The following PDE3B variants were observed in gnomAD, a reference collection of about 807,000 sequenced individuals.
The protein encoded by PDE3B is cGMP-inhibited 3',5'-cyclic phosphodiesterase 3B.
In PDE3B, 66 loss-of-function variants were observed where a neutral mutation model predicts 116.8. That is an observed-to-expected ratio of 0.56 (90% CI 0.46 to 0.69). The LOEUF (loss-of-function observed/expected upper bound fraction) is 0.69, where lower values mean the gene tolerates loss of function less well. PDE3B is among the 30% of genes least tolerant of loss of function. The pLI is 0.00. For synonymous variants in PDE3B, 595 were observed against 533.6 expected, an observed-to-expected ratio of 1.12 and a Z score of -1.59; for missense variants, 1,384 against 1,368.1, an observed-to-expected ratio of 1.01 and a Z score of -0.18.
rs1848140543 is a variant in PDE3B at position 14,871,494 on chromosome 11, A to T, written c.*1834A>T. ...GAATACATACAAGTGTATGTGTATA[A>T]AGTCATACATGTACAAGCATGCATA... On this transcript the variant is annotated 3_prime_UTR_variant, in exon 16 of 16. Transcript: ENST00000282096. The T allele has an allele frequency of 6.6e-6, 1 of 152,158 alleles. No homozygotes were observed. Among genetic ancestry groups the T allele is most frequent in the African/African-American group, 2.4e-5 (1 of 41,454 alleles). 9.4% of individuals were successfully genotyped at this position (152,158 alleles called of 1,614,324 possible).
chr11:14,674,441 G>A (rs1854470544), intron 1 of PDE3B: 1 of 623,856 alleles, frequency 1.6e-6, no homozygotes, highest in South Asian at 1.4e-5. Context: ...TATTTCACTT[G>A]TTTGTCCTTA....
Position 14,644,284 on chromosome 11 carries a change from G to C in PDE3B, c.209G>C (p.Arg70Pro). Reference protein sequence around the residue: ...RPPPASPQQPRRCSPFCRARL... With the variant: ...RPPPASPQQPPRCSPFCRARL... ...CCGCCGGCCTCTCCCCAGCAGCCGC[G>C]GCGCTGCTCCCCCTTCTGCCGGGCG... Residue 70 changes from arginine (R) to proline (P), a missense_variant, in exon 1 of 16, where the codon CGG becomes CCG. Arg to Pro is a moderately radical substitution (Grantham distance 103). Transcript: ENST00000282096. 1 of 1,564,944 alleles carries C rather than the reference G, an allele frequency of 6.4e-7. No individual in the cohort carries two copies. The highest frequency in any genetic ancestry group is 8.6e-7 in the Non-Finnish European group (1 of 1,162,130).
intron 4 of PDE3B, among the ~76,000 whole-genome samples, chr11:14,792,173 C>A (rs1276498292): frequency 2.0e-5 from 3 of 151,928 alleles, no homozygotes; most frequent in African/African-American, 7.3e-5. Context: ...GAGCTGCAGC[C>A]CTTACTTGGA....
chr11:14,698,782 T>C (rs549336853), intron 1 of PDE3B: 178 of 152,140 alleles, frequency 1.2e-3, no homozygotes, highest in African/African-American at 4.0e-3. Context: ...GGTTGTCTTC[T>C]TTTGCAGCTG....
At position 14,818,218 on chromosome 11, in the gene PDE3B, A is replaced by G. The variant is rs762590358; in HGVS notation, c.1558A>G (p.Asn520Asp). 1 of 1,613,608 alleles carries G rather than the reference A, an allele frequency of 6.2e-7. No individual in the cohort carries two copies. Among genetic ancestry groups the G allele is most frequent in the Admixed American group, 1.7e-5 (1 of 59,982 alleles). The change falls in exon 6 of 16, where the codon AAC (asparagine) becomes GAC (aspartate). Residue 520 changes from asparagine (N) to aspartate (D), a missense_variant. This residue lies in a region of PDE3B where 956 missense variants were observed against 806.8 expected (regional missense o/e 1.18). Coordinates refer to ENST00000282096, the MANE Select transcript of PDE3B (RefSeq NM_000922.4). ...CAGTCTGAGTCCTGTGAATTCTTCC[A>G]ACCATGGACCAGTGTCTACTGGCTC... Reference protein sequence around the residue: ...LSSLSPVNSSNHGPVSTGSLT... With the variant: ...LSSLSPVNSSDHGPVSTGSLT...
chr11:14,658,089 G>C (rs1853769891), intron 1 of PDE3B, among the ~76,000 whole-genome samples: 1 of 151,952 alleles, frequency 6.6e-6, no homozygotes, highest in Admixed American at 6.6e-5. Flanking sequence ...CCATCTAGTG[G>C]GTAGGCTTCC....
chr11:14,705,835 G>A (rs1240532795), intron 1 of PDE3B, among the ~76,000 whole-genome samples: 1 of 151,708 alleles, frequency 6.6e-6, no homozygotes, highest in African/African-American at 2.4e-5. Context: ...TATTGATATA[G>A]CATGATGTTA....
intron 2 of PDE3B, among the ~76,000 whole-genome samples, chr11:14,783,692 C>T (rs1037883698): frequency 3.3e-5 from 5 of 151,766 alleles, no homozygotes; most frequent in African/African-American, 1.2e-4. Flanking sequence ...AGCACACCAG[C>T]ATGGCACATG....
At chr11:14,891,832 G>A in the PDE3B span, 4 of 1,418,412 alleles carry the variant, frequency 2.8e-6, no homozygotes, top group Non-Finnish European at 3.7e-6. Flanking sequence ...TTCCAGACCC[G>A]GGAAGCGGGT....
chr11:14,849,775 G>A (rs375000187), intron 12 of PDE3B, among the ~76,000 whole-genome samples: 15 of 152,132 alleles, frequency 9.9e-5, no homozygotes, highest in African/African-American at 3.1e-4. Flanking sequence ...ATGCAAATCA[G>A]AACCACAGTG....
rs201501383 is a variant in PDE3B at position 14,869,668 on chromosome 11, T to C, written c.*8T>C. 1 of 1,611,150 alleles carries C rather than the reference T, an allele frequency of 6.2e-7. No homozygotes were observed. The highest frequency in any genetic ancestry group is 1.1e-5 in the South Asian group (1 of 90,926). ...GCAGATGAAGAGGAATAGCGACAGT[T>C]TGAGTAAAAGAAAAGTCATATTGAA... On this transcript the variant is annotated 3_prime_UTR_variant, in exon 16 of 16. Coordinates refer to ENST00000282096, the MANE Select transcript of PDE3B (RefSeq NM_000922.4).
intron 1 of PDE3B, among the ~76,000 whole-genome samples, chr11:14,736,501 G>A: frequency 6.6e-6 from 1 of 152,132 alleles, no homozygotes; most frequent in Non-Finnish European, 1.5e-5. Context: ...TATAACTAAA[G>A]TTGCCATTAA....
chr11:14,831,979 TA>T (rs1859900377), intron 9 of PDE3B, among the ~76,000 whole-genome samples: 1 of 152,170 alleles, frequency 6.6e-6, no homozygotes, highest in Non-Finnish European at 1.5e-5. Context: ...ACAAGTAGTT[TA>T]TTTGACCATA....
Position 14,831,740 on chromosome 11 carries a change from A to G in PDE3B, c.2057A>G (p.Glu686Gly), listed in dbSNP as rs200966483. Residue 686 changes from glutamate (E) to glycine (G), a missense_variant, in exon 9 of 16, where the codon GAA (glutamate) becomes GGA (glycine). This residue lies in a region of PDE3B where 428 missense variants were observed against 561.4 expected (regional missense o/e 0.76). Transcript: ENST00000282096. ...AATTTTCCAATTTTTGAACTTGTAGAAAAGATGGGAGAGAAATCAGGAAGG... is the reference window on the plus strand; with the variant it reads ...AATTTTCCAATTTTTGAACTTGTAGGAAAGATGGGAGAGAAATCAGGAAGG... ...NWNFPIFELV[E>G]KMGEKSGRIL... 13 of 1,606,380 alleles carry G rather than the reference A, an allele frequency of 8.1e-6. No homozygotes were observed. Among genetic ancestry groups the G allele is most frequent in the Non-Finnish European group, 1.1e-5 (13 of 1,174,872 alleles).
At position 14,789,100 on chromosome 11, in the gene PDE3B, C is replaced by G. The variant is rs1858305383; in HGVS notation, c.1279-6C>G. On this transcript the variant is annotated splice_region_variant and splice_polypyrimidine_tract_variant and intron_variant, in intron 3 of 15. Coordinates refer to ENST00000282096, the MANE Select transcript of PDE3B (RefSeq NM_000922.4). Reference sequence around the variant, plus strand: ...CATTTTAAACCATTGTTAAATTATTCAACAGGGACTAAATAGGAATAGTTT... The same window carrying G: ...CATTTTAAACCATTGTTAAATTATTGAACAGGGACTAAATAGGAATAGTTT... 6.3e-7 allele frequency: 1 copy of G among 1,594,898 alleles called. No homozygotes were observed. Among genetic ancestry groups the G allele is most frequent in the Non-Finnish European group, 8.5e-7 (1 of 1,170,928 alleles).
At chr11:14,781,084 G>A (rs989732975) in intron 2 of PDE3B, among the ~76,000 whole-genome samples, 87 of 152,160 alleles carry the variant, frequency 5.7e-4, no homozygotes, top group Admixed American at 9.2e-4. Context: ...TAAATTCCTC[G>A]ACACATACAC....
the PDE3B span, among the ~76,000 whole-genome samples, chr11:14,894,239 AT>A: frequency 6.6e-6 from 1 of 152,234 alleles, no homozygotes; most frequent in Admixed American, 6.5e-5. Context: ...AAATGAAAAA[AT>A]AATTGTGAGA....
intron 1 of PDE3B, among the ~76,000 whole-genome samples, chr11:14,735,541 A>G (rs1856572816): frequency 6.6e-6 from 1 of 152,224 alleles, no homozygotes; most frequent in Non-Finnish European, 1.5e-5. Context: ...CCTCATTGGC[A>G]CTATGTAGAA....
chr11:14,709,340 C>A (rs998409125), intron 1 of PDE3B, among the ~76,000 whole-genome samples: 1 of 151,958 alleles, frequency 6.6e-6, no homozygotes, highest in South Asian at 2.1e-4. Context: ...TTAACGTGCA[C>A]ATTTTTTTTC....
Sources: allele counts gnomAD v4.1 joint callset (sites outside exome capture counted in the v4.1 genomes callset), GRCh38; gene constraint gnomAD v4.1.1; regional missense constraint gnomAD v4.1.1; transcripts MANE v1.5; gene names NCBI Gene and HGNC (gene_info 2026-07-23, HGNC 2026-07-21).